Variants in HNRNPAB observed in about 807,000 individuals in gnomAD.
HNRNPAB encodes the protein heterogeneous nuclear ribonucleoprotein A/B, also known as ABBP-1.
A neutral mutation model predicts 44.1 loss-of-function variants in HNRNPAB; 17 were observed. The ratio of observed to expected loss-of-function variants is 0.39; its 90% CI spans 0.26 to 0.58. The LOEUF is 0.58. HNRNPAB is among the 20% of genes least tolerant of loss of function. The pLI is 0.63. For synonymous variants in HNRNPAB, 183 were observed against 167.6 expected (o/e 1.09, Z -0.71); for missense variants, 393 against 432.7 (o/e 0.91, Z 0.81).
In HNRNPAB at chr5:178,205,830, C is replaced by T. The variant is rs898389997; in HGVS notation, c.210-12C>T. The T allele has an allele frequency of 9.9e-6, 16 of 1,611,432 alleles. No individual in the cohort carries two copies. Among genetic ancestry groups the T allele is most frequent in the Non-Finnish European group, 1.3e-5 (15 of 1,178,344 alleles). ...AAGACTTGTTGCCGTGTGTCTCACC[C>T]TACCATTTCAGAAAAATGTTCGTTG... On this transcript the variant is annotated splice_polypyrimidine_tract_variant and intron_variant, in intron 2 of 7. Coordinates refer to ENST00000358344, the MANE Select transcript of HNRNPAB (RefSeq NM_031266.3).
intron 5 of HNRNPAB, chr5:178,208,508 C>T (rs1014743936): frequency 5.9e-5 from 9 of 152,104 alleles, no homozygotes; most frequent in Non-Finnish European, 8.8e-5. Flanking sequence ...TGGTTATATT[C>T]AGTATTTTTA....
In HNRNPAB at chr5:178,206,014, A is replaced by G; in HGVS notation, c.378+4A>G. 1 of 1,611,550 alleles carries G rather than the reference A, an allele frequency of 6.2e-7. No homozygotes were observed. Among genetic ancestry groups the G allele is most frequent in the Non-Finnish European group, 8.5e-7 (1 of 1,178,790 alleles). Reference sequence around the variant, plus strand: ...AGATGCAGCCAGTGTGGAGAAGGTAAGCTGGGTACTGGATTTCAGCAGTCT... The same window carrying G: ...AGATGCAGCCAGTGTGGAGAAGGTAGGCTGGGTACTGGATTTCAGCAGTCT... On this transcript the variant is annotated splice_donor_region_variant and intron_variant, in intron 3 of 7. Coordinates refer to ENST00000358344, the MANE Select transcript of HNRNPAB (RefSeq NM_031266.3).
chr5:178,210,202 C>T lies in HNRNPAB; in HGVS notation c.858C>T (p.Tyr286=), dbSNP rs780039911. The part of the protein sequence containing the change: ...WNQGYGYQQG[Y]GPGYGGYDYS... ...AGGGCTACGGCTACCAGCAGGGCTA[C>T]GGGCCTGGCTATGGCGGCTACGACT... The change falls in exon 7 of 8, where the codon TAC becomes TAT. Residue 286 remains tyrosine (Y), a synonymous_variant. Transcript: ENST00000358344. The T allele has an allele frequency of 8.1e-5, 130 of 1,612,062 alleles. No individual in the cohort carries two copies. Among genetic ancestry groups the T allele is most frequent in the Middle Eastern group, 1.6e-4 (1 of 6,078 alleles).
At chr5:178,205,733 C>T in intron 2 of HNRNPAB, 109 bp from the exon 3 acceptor site, 4 of 1,012,816 alleles carry the variant, frequency 3.9e-6, no homozygotes, top group South Asian at 3.1e-5. Context: ...TCCTTGCAGA[C>T]TCTAAGGGTA....
intron 2 of HNRNPAB, among the ~76,000 whole-genome samples, chr5:178,205,268 C>A (rs1235994441): frequency 6.6e-6 from 1 of 151,096 alleles, no homozygotes; most frequent in African/African-American, 2.4e-5. Context: ...CGGGGCCGCT[C>A]GCGCGCTGCC....
intron 3 of HNRNPAB, 97 bp from the exon 4 acceptor site, chr5:178,206,634 AC>A: frequency 8.7e-7 from 1 of 1,151,292 alleles, no homozygotes; most frequent in Non-Finnish European, 1.2e-6. Flanking sequence ...GGGGTGAAAC[AC>A]ATGTTTGTAT....
In HNRNPAB at chr5:178,209,368, G is replaced by T. The variant is rs769965868; in HGVS notation, c.708G>T (p.Gln236His). The T allele has an allele frequency of 1.9e-6, 3 of 1,614,148 alleles. No individual in the cohort carries two copies. Among genetic ancestry groups the T allele is most frequent in the Admixed American group, 1.7e-5 (1 of 60,024 alleles). Reference sequence around the variant, plus strand: ...TGGCCCAGCCCAAAGAAGTCTATCAGCAGCAGCAGTATGGCTCTGGGGGCC... The same window carrying T: ...TGGCCCAGCCCAAAGAAGTCTATCATCAGCAGCAGTATGGCTCTGGGGGCC... ...IKVAQPKEVY[Q>H]QQQYGSGGRG... is the part of the protein sequence containing the mutation. The change falls in exon 6 of 8, where the codon CAG becomes CAT. Residue 236 changes from glutamine to histidine, a missense_variant. This residue lies in a region of HNRNPAB where 210 missense variants were observed against 196.9 expected (regional missense o/e 1.07). Coordinates refer to ENST00000358344, the MANE Select transcript of HNRNPAB (RefSeq NM_031266.3).
In HNRNPAB at chr5:178,205,997, C is replaced by T. The variant is rs1335924213; in HGVS notation, c.365C>T (p.Ala122Val). Residue 122 changes from alanine to valine, a missense_variant, in exon 3 of 8, where the codon GCC becomes GTC. By Grantham distance (64) the Ala-to-Val change is moderately conservative (BLOSUM62 0). Coordinates refer to ENST00000358344, the MANE Select transcript of HNRNPAB (RefSeq NM_031266.3). The part of the protein sequence containing the change: ...GFGFILFKDA[A>V]SVEKVLDQKE... The stretch of plus-strand genomic sequence containing the variant: ...GGGTTTATCCTGTTCAAAGATGCAG[C>T]CAGTGTGGAGAAGGTAAGCTGGGTA... 1.2e-6 allele frequency: 2 copies of T among 1,613,754 alleles called. No individual in the cohort carries two copies. The highest frequency in any genetic ancestry group is 3.3e-5 in the Admixed American group (2 of 59,930).
intron 5 of HNRNPAB, 137 bp from the exon 6 acceptor site, chr5:178,209,193 C>T (rs1349737983): frequency 2.7e-6 from 2 of 734,958 alleles, no homozygotes; most frequent in East Asian, 2.5e-5. Context: ...CCAAAGGTGG[C>T]CTCCCATACT....
intron 4 of HNRNPAB, 78 bp downstream of exon 4, chr5:178,206,968 C>T: frequency 1.3e-6 from 2 of 1,592,002 alleles, no homozygotes; most frequent in Non-Finnish European, 1.7e-6. Context: ...CCTTGGCTGG[C>T]TAGACCCTCC....
intron 7 of HNRNPAB, 37 bp from the exon 8 acceptor site, chr5:178,210,516 T>C: frequency 1.2e-6 from 2 of 1,601,596 alleles, no homozygotes; most frequent in Non-Finnish European, 1.7e-6. Flanking sequence ...GGCAAATGCT[T>C]GTAAATAGTA....
Position 178,209,458 on chromosome 5 carries a change from C to CGTGGATGAAG in HNRNPAB, c.787+12_787+21dup, listed in dbSNP as rs1319320294. 1 of 1,609,110 alleles carries CGTGGATGAAG rather than the reference C, an allele frequency of 6.2e-7. No homozygotes were observed. The highest frequency in any genetic ancestry group is 8.5e-7 in the Non-Finnish European group (1 of 1,175,628). On this transcript the variant is annotated intron_variant, in intron 6 of 7. Coordinates refer to ENST00000358344, the MANE Select transcript of HNRNPAB (RefSeq NM_031266.3). Reference sequence around the variant, plus strand: ...GTGGTGGAGGTGGAGGTGAGTGGAACGTGGATGAAGATAGGTCCTGTTTCC... The same window carrying CGTGGATGAAG: ...GTGGTGGAGGTGGAGGTGAGTGGAACGTGGATGAAGGTGGATGAAGATAGGTCCTGTTTCC...
intron 3 of HNRNPAB, among the ~76,000 whole-genome samples, chr5:178,206,405 A>AGG (rs1022762676): frequency 6.6e-6 from 1 of 152,194 alleles, no homozygotes; most frequent in Admixed American, 6.5e-5. Flanking sequence ...TAGGGAGTGG[A>AGG]GGGAGGATTC....
intron 2 of HNRNPAB, 99 bp downstream of exon 2, chr5:178,205,145 G>A: frequency 1.1e-6 from 1 of 892,014 alleles, no homozygotes; most frequent in Non-Finnish European, 1.4e-6. Context: ...CCTGGCCCGG[G>A]TCGGGGCTGG....
At position 178,205,826 on chromosome 5, in the gene HNRNPAB, C is replaced by T. The variant is rs776853268; in HGVS notation, c.210-16C>T. On this transcript the variant is annotated splice_polypyrimidine_tract_variant and intron_variant, in intron 2 of 7. Transcript: ENST00000358344. ...TTACAAGACTTGTTGCCGTGTGTCT[C>T]ACCCTACCATTTCAGAAAAATGTTC... The T allele has an allele frequency of 5.0e-6, 8 of 1,609,940 alleles. No individual in the cohort carries two copies. The highest frequency in any genetic ancestry group is 1.6e-4 in the Middle Eastern group (1 of 6,074).
At position 178,209,544 on chromosome 5, in the gene HNRNPAB, G is replaced by C; in HGVS notation, c.787+97G>C. The C allele has an allele frequency of 4.7e-6, 5 of 1,054,874 alleles. No homozygotes were observed. In the Admixed American group the frequency reaches 9.6e-5, roughly 20 times the overall value. 65.3% of individuals were successfully genotyped at this position (1,054,874 alleles called of 1,614,324 possible). ...CTCCCTCTGGTGCTGTGCAGCAGGG[G>C]TGGGCAGATTGTGTGAGGTTGGGGA... On this transcript the variant is annotated intron_variant, in intron 6 of 7. Coordinates refer to ENST00000358344, the MANE Select transcript of HNRNPAB (RefSeq NM_031266.3).
intron 7 of HNRNPAB, 134 bp from the exon 8 acceptor site, chr5:178,210,419 C>CG: frequency 6.5e-7 from 1 of 1,531,440 alleles, no homozygotes; most frequent in Non-Finnish European, 8.9e-7. Flanking sequence ...CCTTAGACTT[C>CG]GGGGTCTTAA....
In HNRNPAB at chr5:178,206,025, G is replaced by T. The variant is rs2113537111; in HGVS notation, c.378+15G>T. On this transcript the variant is annotated intron_variant, in intron 3 of 7. Transcript: ENST00000358344. ...GTGTGGAGAAGGTAAGCTGGGTACT[G>T]GATTTCAGCAGTCTCAGTGGAAACG... The T allele has an allele frequency of 1.2e-6, 2 of 1,605,580 alleles. No homozygotes were observed. The highest frequency in any genetic ancestry group is 1.7e-6 in the Non-Finnish European group (2 of 1,175,236).
At chr5:178,207,614 T>C (rs969730849) in intron 5 of HNRNPAB, among the ~76,000 whole-genome samples, 1 of 151,472 alleles carries the variant, frequency 6.6e-6, no homozygotes, top group African/African-American at 2.4e-5. Context: ...TCCTCTGTGG[T>C]GAAGTTTTTC....
Sources: allele counts gnomAD v4.1 joint callset (sites outside exome capture counted in the v4.1 genomes callset), GRCh38; gene constraint gnomAD v4.1.1; regional missense constraint gnomAD v4.1.1; transcripts MANE v1.5; gene names NCBI Gene and HGNC (gene_info 2026-07-23, HGNC 2026-07-21).